ZFP64: variants seen among roughly 807,000 people sequenced by gnomAD.
ZFP64 encodes the protein zinc finger protein 64.
In ZFP64, 14 loss-of-function variants were observed where a neutral mutation model predicts 51.6. The ratio of observed to expected loss-of-function variants is 0.27; its 90% CI spans 0.18 to 0.42. ZFP64 has a LOEUF of 0.42. Among genes scored for constraint, ZFP64 ranks in the 10% least tolerant of loss-of-function variants. The pLI, the probability that ZFP64 is intolerant of heterozygous loss-of-function variation, is 1.00. For synonymous variants in ZFP64, 375 were observed against 361.4 expected, an observed-to-expected ratio of 1.04 and a Z score of -0.43; for missense variants, 754 against 906.8, an observed-to-expected ratio of 0.83 and a Z score of 2.16.
At chr20:52,167,620 G>A (rs576913178) in intron 2 of ZFP64, among the ~76,000 whole-genome samples, 4 of 143,728 alleles carry the variant, frequency 2.8e-5, no homozygotes, top group Admixed American at 7.4e-5. Context: ...TTCTTAGAAT[G>A]TACTTTGTCA....
intron 2 of ZFP64, among the ~76,000 whole-genome samples, chr20:52,178,011 G>A (rs1280918099): frequency 4.1e-5 from 6 of 146,654 alleles, no homozygotes; most frequent in Non-Finnish European, 6.0e-5. Context: ...CAGCCTGGGC[G>A]CCAGAGCAAG....
At chr20:52,187,318 T>C (rs190377529) in intron 1 of ZFP64, among the ~76,000 whole-genome samples, 7 of 152,144 alleles carry the variant, frequency 4.6e-5, no homozygotes, top group African/African-American at 1.7e-4. Context: ...AATGTAAATA[T>C]CTTAGAAATC....
chr20:52,093,122 A>G (rs541044061), intron 7 of ZFP64, among the ~76,000 whole-genome samples: 1 of 152,086 alleles, frequency 6.6e-6, no homozygotes, highest in East Asian at 1.9e-4. Flanking sequence ...CACTGTTCCA[A>G]ATCAGGAGAT....
intron 5 of ZFP64, chr20:52,117,579 A>G: frequency 2.2e-6 from 1 of 451,276 alleles, no homozygotes; most frequent in Non-Finnish European, 4.5e-6. Context: ...AGATCGCGCC[A>G]TTGCACTCTA....
chr20:52,102,066 C>G (rs943537035), intron 5 of ZFP64, among the ~76,000 whole-genome samples: 2 of 139,398 alleles, frequency 1.4e-5, no homozygotes, highest in Non-Finnish European at 3.1e-5. Flanking sequence ...GAGCCCAGAT[C>G]GTGCCACTGC....
rs543022477 is a variant in ZFP64 at position 52,170,409 on chromosome 20, G to A, written c.287-4384C>T. Among the ~76,000 whole-genome samples, 25 of 152,216 alleles carry A rather than the reference G, an allele frequency of 1.6e-4. No homozygotes were observed. The South Asian group carries it at 5.2e-3, about 32-fold the overall frequency. On this transcript the variant is annotated intron_variant, in intron 2 of 5. Transcript: ENST00000216923. ...AGAGGTTGCAGTGAGCTGAGATCAT[G>A]CCACTACACTCCAGTCTGGGTGACA...
chr20:52,177,063 C>G (rs1182534880), intron 2 of ZFP64, among the ~76,000 whole-genome samples: 1 of 128,288 alleles, frequency 7.8e-6, no homozygotes, highest in Non-Finnish European at 1.6e-5. Context: ...CCTCAGTGGG[C>G]CGTTCATTCA....
intron 5 of ZFP64, among the ~76,000 whole-genome samples, chr20:52,118,609 T>A (rs1979003307): frequency 1.3e-5 from 2 of 152,266 alleles, no homozygotes; most frequent in African/African-American, 4.8e-5. Context: ...CTGAAGCTAT[T>A]CATTTGTTTA....
chr20:52,095,063 T>C (rs1476736052), intron 7 of ZFP64, among the ~76,000 whole-genome samples: 2 of 152,236 alleles, frequency 1.3e-5, no homozygotes, highest in African/African-American at 4.8e-5. Flanking sequence ...CTTATTTGCA[T>C]ATGTTAATTT....
At chr20:52,151,218 T>C (rs1236859504), downstream of ZFP64, 13 of 985,222 alleles carry the variant, frequency 1.3e-5, no homozygotes, top group Non-Finnish European at 1.6e-5. Flanking sequence ...TTTTGATTAA[T>C]GACTCACGCC....
At chr20:52,100,497 C>A (rs1267026151) in intron 5 of ZFP64, among the ~76,000 whole-genome samples, 1 of 152,176 alleles carries the variant, frequency 6.6e-6, no homozygotes, top group Non-Finnish European at 1.5e-5. Flanking sequence ...CCGCCCATCT[C>A]AGCCTCCCAA....
At chr20:52,096,487 T>G (rs188314016) in intron 7 of ZFP64, among the ~76,000 whole-genome samples, 69 of 152,384 alleles carry the variant, frequency 4.5e-4, no homozygotes, top group Middle Eastern at 6.8e-3. Context: ...TTTAAGCCAC[T>G]GAGACTGGTT....
intron 5 of ZFP64, among the ~76,000 whole-genome samples, chr20:52,109,861 T>G (rs1159294349): frequency 6.6e-6 from 1 of 152,076 alleles, no homozygotes; most frequent in African/African-American, 2.4e-5. Flanking sequence ...GGTGACAACT[T>G]TTCATTGTTT....
At position 52,151,934 on chromosome 20, in the gene ZFP64, G is replaced by T; in HGVS notation, c.*212C>A. 1 of 1,164,902 alleles carries T rather than the reference G, an allele frequency of 8.6e-7. No homozygotes were observed. Among genetic ancestry groups the T allele is most frequent in the Non-Finnish European group, 1.1e-6 (1 of 870,652 alleles). The allele number at this position is 1,164,902 out of a possible 1,614,324, so 72.2% of individuals were successfully genotyped here. A position where few individuals can be genotyped will look rare whatever the true frequency, so the allele number is the denominator to read the frequency against. On this transcript the variant is annotated 3_prime_UTR_variant, in exon 6 of 6. Coordinates refer to ENST00000216923, the MANE Select transcript of ZFP64 (RefSeq NM_018197.3). ...CACCTGTGGTCCCAGCTACTCGGAG[G>T]GCTGAGGCATGAGAATCGCTTGAAC... is the stretch of plus-strand genomic sequence containing the variant.
intron 5 of ZFP64, chr20:52,105,092 GC>G (rs1600711396): frequency 7.2e-6 from 10 of 1,391,250 alleles, no homozygotes; most frequent in South Asian, 3.3e-5. Context: ...CTGAGCACCG[GC>G]CCCCAGCCCC....
chr20:52,120,129 G>A (rs1261426856), intron 5 of ZFP64, among the ~76,000 whole-genome samples: 2 of 152,120 alleles, frequency 1.3e-5, no homozygotes, highest in African/African-American at 4.8e-5. Context: ...TGTGGACACA[G>A]CTAGAAGGTG....
chr20:52,103,882 C>T (rs2079080416), intron 5 of ZFP64, among the ~76,000 whole-genome samples: 1 of 152,190 alleles, frequency 6.6e-6, no homozygotes, highest in African/African-American at 2.4e-5. Flanking sequence ...TTAGTGGAGG[C>T]TTCATTAAAC....
At chr20:52,135,866 A>G (rs1011927545) in intron 5 of ZFP64, among the ~76,000 whole-genome samples, 22 of 151,838 alleles carry the variant, frequency 1.4e-4, no homozygotes, top group African/African-American at 5.3e-4. Flanking sequence ...TGGGAGGCCG[A>G]GGTGGGTGGA....
At chr20:52,100,249 AAAGTT>A (rs1249207442) in intron 5 of ZFP64, among the ~76,000 whole-genome samples, 2 of 149,028 alleles carry the variant, frequency 1.3e-5, no homozygotes, top group Non-Finnish European at 3.0e-5. Flanking sequence ...TCGGCCTCCC[AAAGTT>A]TTTTTTTTTG....
Sources: allele counts gnomAD v4.1 joint callset (sites outside exome capture counted in the v4.1 genomes callset), GRCh38; gene constraint gnomAD v4.1.1; transcripts MANE v1.5; gene names NCBI Gene and HGNC (gene_info 2026-07-23, HGNC 2026-07-21).